Variants in SLC28A3 observed in about 807,000 individuals in gnomAD.
The protein encoded by SLC28A3 is concentrative Na(+)-nucleoside cotransporter 3.
In SLC28A3, 68 loss-of-function variants were observed where a neutral mutation model predicts 84.2. That is an observed-to-expected ratio of 0.81 (90% CI 0.66 to 0.99). The LOEUF (loss-of-function observed/expected upper bound fraction) is 0.99. Ranked by LOEUF, SLC28A3 falls within the 50% of genes least tolerant of loss-of-function variation. The pLI is 0.00. For missense variants in SLC28A3, 712 were observed against 841.5 expected (o/e 0.85, Z 1.90); for synonymous variants, 267 against 303.6 (o/e 0.88, Z 1.25).
At chr9:84,328,908 A>G (rs1826674869) in intron 1 of SLC28A3, among the ~76,000 whole-genome samples, 1 of 152,188 alleles carries the variant, frequency 6.6e-6, no homozygotes, top group African/African-American at 2.4e-5. Flanking sequence ...AGCCTGGGTG[A>G]CAGAATGAGA....
At chr9:84,365,342 TC>T in the SLC28A3 span, among the ~76,000 whole-genome samples, 2 of 152,206 alleles carry the variant, frequency 1.3e-5, no homozygotes, top group Non-Finnish European at 1.5e-5. Context: ...TCTATTCAAA[TC>T]TTTTTGCCTA....
the SLC28A3 span, among the ~76,000 whole-genome samples, chr9:84,365,740 A>G: frequency 2.0e-5 from 3 of 152,054 alleles, no homozygotes; most frequent in Non-Finnish European, 4.4e-5. Context: ...GTCTCTGTAT[A>G]TTTTCAGACA....
At chr9:84,298,912 G>A (rs1295344408) in intron 6 of SLC28A3, among the ~76,000 whole-genome samples, 1 of 152,196 alleles carries the variant, frequency 6.6e-6, no homozygotes, top group Non-Finnish European at 1.5e-5. Flanking sequence ...GGCTTCAAAA[G>A]AACTATGGCA....
intron 1 of SLC28A3, among the ~76,000 whole-genome samples, chr9:84,334,840 G>T (rs369117085): frequency 1.8e-4 from 27 of 152,188 alleles, no homozygotes; most frequent in African/African-American, 6.0e-4. Flanking sequence ...GGCAAGTCAA[G>T]TGAACCCGTG....
chr9:84,298,755 A>T (rs542882388), intron 6 of SLC28A3, among the ~76,000 whole-genome samples: 1 of 152,322 alleles, frequency 6.6e-6, no homozygotes, highest in East Asian at 1.9e-4. Context: ...TGTTGATCTG[A>T]CAACCTGTAA....
intron 11 of SLC28A3, chr9:84,289,862 T>C (rs1008963340): frequency 4.1e-5 from 8 of 197,284 alleles, no homozygotes; most frequent in African/African-American, 1.4e-4. Context: ...GATGTAATAA[T>C]TTTTTTTTTA....
chr9:84,285,547 A>C lies in SLC28A3; in HGVS notation c.1450-5T>G. On this transcript the variant is annotated splice_region_variant and splice_polypyrimidine_tract_variant and intron_variant, in intron 13 of 17. Transcript: ENST00000376238. ...GAAGATGTAGGAGCAGATTAGCTAC[A>C]GAAACCAAAAGTAGACACTTGATTA... 6.2e-7 allele frequency: 1 copy of C among 1,614,140 alleles called. No individual in the cohort carries two copies. Among genetic ancestry groups the C allele is most frequent in the South Asian group, 1.1e-5 (1 of 91,082 alleles).
At chr9:84,318,178 C>G (rs1165133327) in intron 1 of SLC28A3, among the ~76,000 whole-genome samples, 1 of 152,190 alleles carries the variant, frequency 6.6e-6, no homozygotes, top group Non-Finnish European at 1.5e-5. Flanking sequence ...TGGGCACTAG[C>G]TAGACCATTC....
At chr9:84,366,129 GC>G in the SLC28A3 span, among the ~76,000 whole-genome samples, 3 of 151,962 alleles carry the variant, frequency 2.0e-5, no homozygotes, top group Non-Finnish European at 4.4e-5. Flanking sequence ...AAACAGCCTG[GC>G]TTCAAGCTCA....
intron 14 of SLC28A3, 141 bp downstream of exon 14, chr9:84,285,204 T>A: frequency 1.3e-6 from 1 of 742,772 alleles, no homozygotes; most frequent in Non-Finnish European, 2.2e-6. Context: ...ATAAGCTCCA[T>A]GAGCAATGGA....
chr9:84,298,177 T>G (rs1415903204), intron 6 of SLC28A3, among the ~76,000 whole-genome samples, 158 bp from the exon 7 acceptor site: 1 of 152,128 alleles, frequency 6.6e-6, no homozygotes, highest in Non-Finnish European at 1.5e-5. Flanking sequence ...AGAGAACCCT[T>G]TGATAGAACC....
chr9:84,353,898 A>C, the SLC28A3 span, among the ~76,000 whole-genome samples: 1 of 152,234 alleles, frequency 6.6e-6, no homozygotes, highest in Non-Finnish European at 1.5e-5. Flanking sequence ...AAAACTTATC[A>C]AAACCAATCA....
At chr9:84,347,261 A>G in the SLC28A3 span, among the ~76,000 whole-genome samples, 3 of 151,410 alleles carry the variant, frequency 2.0e-5, no homozygotes, top group South Asian at 4.2e-4. Flanking sequence ...GTGACTGTTG[A>G]ATGCTGCAAC....
chr9:84,291,336 A>T (rs1355966739), intron 10 of SLC28A3, among the ~76,000 whole-genome samples: 1 of 151,200 alleles, frequency 6.6e-6, no homozygotes, highest in Non-Finnish European at 1.5e-5. Context: ...TAGTAAGCAT[A>T]GGTTTTTTTT....
At chr9:84,313,223 A>T in intron 2 of SLC28A3, 136 bp downstream of exon 2, 1 of 662,668 alleles carries the variant, frequency 1.5e-6, no homozygotes, top group Non-Finnish European at 2.5e-6. Context: ...CTATGCCCCC[A>T]CACACTTTAA....
At chr9:84,285,806 G>A (rs1251705747) in intron 13 of SLC28A3, 137 bp downstream of exon 13, 6 of 1,070,560 alleles carry the variant, frequency 5.6e-6, no homozygotes, top group Non-Finnish European at 7.9e-6. Context: ...TGGGTGGGAA[G>A]TTGGGGGATG....
upstream of SLC28A3, chr9:84,340,831 G>A (rs927772737): frequency 3.5e-6 from 2 of 573,174 alleles, no homozygotes; most frequent in Non-Finnish European, 6.2e-6. Context: ...AGGCGGGCGG[G>A]TTGGCGGGGT....
chr9:84,335,390 T>C (rs1212636318), intron 1 of SLC28A3, among the ~76,000 whole-genome samples: 1 of 151,920 alleles, frequency 6.6e-6, no homozygotes. Context: ...ATATAAAAAA[T>C]AAAAAAACTT....
At chr9:84,333,062 T>C (rs1035026123) in intron 1 of SLC28A3, among the ~76,000 whole-genome samples, 1 of 152,178 alleles carries the variant, frequency 6.6e-6, no homozygotes, top group African/African-American at 2.4e-5. Flanking sequence ...TCTCCAGAGA[T>C]GATTTTGAGG....
Sources: gnomAD v4.1 joint callset for allele counts (sites outside exome capture counted in the v4.1 genomes callset) on GRCh38, gnomAD v4.1.1 for gene constraint, MANE v1.5 for transcripts, NCBI Gene and HGNC (gene_info 2026-07-23, HGNC 2026-07-21) for gene names.